GNAQ: variants seen among roughly 807,000 people sequenced by gnomAD.
GNAQ encodes guanine nucleotide-binding protein G(q) subunit alpha.
GNAQ carries 8 observed loss-of-function variants against 43.9 expected under a neutral mutation model. The observed-to-expected ratio is 0.18, with a 90% CI of 0.11 to 0.33. The LOEUF (loss-of-function observed/expected upper bound fraction) is 0.33. Among genes scored for constraint, GNAQ ranks in the 10% least tolerant of loss-of-function variants. The pLI is 1.00. For synonymous variants in GNAQ, 155 were observed against 170.7 expected (o/e 0.91, Z 0.71); for missense variants, 158 against 450.8 (o/e 0.35, Z 5.88).
chr9:78,012,326 C>T (rs1376366219), intron 1 of GNAQ, among the ~76,000 whole-genome samples: 1 of 151,824 alleles, frequency 6.6e-6, no homozygotes, highest in Non-Finnish European at 1.5e-5. Context: ...CAACCTCCAC[C>T]TCCCAGGTTC....
At chr9:77,896,585 G>C (rs886578368) in intron 2 of GNAQ, among the ~76,000 whole-genome samples, 8 of 152,048 alleles carry the variant, frequency 5.3e-5, no homozygotes, top group African/African-American at 1.9e-4. Flanking sequence ...TATCAAGCCT[G>C]GTCCATATTC....
At chr9:78,018,978 T>C (rs538861492) in intron 1 of GNAQ, among the ~76,000 whole-genome samples, 2 of 152,122 alleles carry the variant, frequency 1.3e-5, no homozygotes, top group African/African-American at 4.8e-5. Flanking sequence ...TGCAGAAGAA[T>C]CTGTTCTCAT....
At chr9:77,913,195 A>G (rs952833850) in intron 2 of GNAQ, among the ~76,000 whole-genome samples, 7 of 152,104 alleles carry the variant, frequency 4.6e-5, no homozygotes, top group African/African-American at 1.7e-4. Flanking sequence ...CATACTCCAA[A>G]GAAATGCAGA....
intron 2 of GNAQ, among the ~76,000 whole-genome samples, chr9:77,870,280 C>T (rs1252994276): frequency 6.7e-6 from 1 of 149,522 alleles, no homozygotes; most frequent in African/African-American, 2.5e-5. Flanking sequence ...TTACAGGAAG[C>T]AGTTTGAAAC....
At chr9:77,827,397 A>C (rs565329880) in intron 2 of GNAQ, among the ~76,000 whole-genome samples, 19 of 151,996 alleles carry the variant, frequency 1.3e-4, no homozygotes, top group South Asian at 1.2e-3. Flanking sequence ...AAAAAAAAAA[A>C]AAAACTGAGC....
chr9:77,934,178 G>A (rs865881244), intron 1 of GNAQ, among the ~76,000 whole-genome samples: 1 of 144,946 alleles, frequency 6.9e-6, no homozygotes. Context: ...AGGAGACAAC[G>A]ATCCGCACAT....
In GNAQ at chr9:77,716,847, T is replaced by C. The variant is rs148833189; in HGVS notation, c.*4476A>G. On this transcript the variant is annotated 3_prime_UTR_variant, in exon 7 of 7. Coordinates refer to ENST00000286548, the MANE Select transcript of GNAQ (RefSeq NM_002072.5). ...AGGAGGAAATTAATATTTGAGCACC[T>C]ACTATGTGCTAGGTGTGTATTCATA... 6.8e-4 allele frequency: 159 copies of C among 232,888 alleles called. No homozygotes were observed. The highest frequency in any genetic ancestry group is 3.4e-3 in the African/African-American group (156 of 45,432). 14.4% of individuals were successfully genotyped at this position (232,888 alleles called of 1,614,324 possible).
chr9:78,020,292 T>C (rs573835026), intron 1 of GNAQ, among the ~76,000 whole-genome samples: 35 of 152,074 alleles, frequency 2.3e-4, no homozygotes, highest in Middle Eastern at 3.4e-3. Context: ...AAAACAGTAA[T>C]AGATGCATTT....
At chr9:77,893,664 C>T (rs1332562246) in intron 2 of GNAQ, among the ~76,000 whole-genome samples, 1 of 152,206 alleles carries the variant, frequency 6.6e-6, no homozygotes, top group African/African-American at 2.4e-5. Context: ...CCTCTCTTGG[C>T]GTCTGGATGG....
chr9:77,963,500 A>G (rs969871134), intron 1 of GNAQ, among the ~76,000 whole-genome samples: 1 of 152,222 alleles, frequency 6.6e-6, no homozygotes, highest in African/African-American at 2.4e-5. Flanking sequence ...TTGAAGAACT[A>G]TAACAAGAAA....
At chr9:77,887,400 C>T (rs1828326169) in intron 2 of GNAQ, among the ~76,000 whole-genome samples, 1 of 152,212 alleles carries the variant, frequency 6.6e-6, no homozygotes, top group South Asian at 2.1e-4. Context: ...ACTCCTTTTA[C>T]CTTCATTTAT....
At chr9:77,731,350 T>G (rs1452569902) in intron 5 of GNAQ, among the ~76,000 whole-genome samples, 1 of 152,130 alleles carries the variant, frequency 6.6e-6, no homozygotes, top group Non-Finnish European at 1.5e-5. Flanking sequence ...CAGAGACAAC[T>G]TGCCCAGGGT....
chr9:77,935,617 C>G (rs1023647819), intron 1 of GNAQ, among the ~76,000 whole-genome samples: 1 of 152,156 alleles, frequency 6.6e-6, no homozygotes, highest in Non-Finnish European at 1.5e-5. Flanking sequence ...CTTGTGTGTT[C>G]CACATGTGCT....
intron 5 of GNAQ, 47 bp from the exon 6 acceptor site, chr9:77,728,714 ATTACT>A (rs1192897553): frequency 1.6e-5 from 20 of 1,286,102 alleles, no homozygotes; most frequent in Non-Finnish European, 2.1e-5. Context: ...GAATTACATG[ATTACT>A]TAATTTGTGA....
chr9:77,858,118 T>G (rs965805845), intron 2 of GNAQ, among the ~76,000 whole-genome samples: 2 of 152,138 alleles, frequency 1.3e-5, no homozygotes, highest in African/African-American at 4.8e-5. Context: ...CAGCTCTCTC[T>G]GCTCACCCCA....
chr9:78,017,968 G>T (rs1823859479), intron 1 of GNAQ, among the ~76,000 whole-genome samples: 4 of 152,066 alleles, frequency 2.6e-5, no homozygotes, highest in Admixed American at 2.6e-4. Flanking sequence ...TCATGATGCT[G>T]GAAACTGTAT....
chr9:77,889,332 GC>G (rs1443025042), intron 2 of GNAQ, among the ~76,000 whole-genome samples: 4 of 144,936 alleles, frequency 2.8e-5, no homozygotes, highest in Non-Finnish European at 6.0e-5. Flanking sequence ...GACTGCGTGA[GC>G]CTGGGAGGCG....
In GNAQ at chr9:77,895,539, T is replaced by A. The variant is rs369030255; in HGVS notation, c.321+26622A>T. Among the ~76,000 whole-genome samples the A allele has an allele frequency of 2.8e-4, 42 of 152,268 alleles. 1 individual carries two copies. In the South Asian group the frequency reaches 7.9e-3, roughly 29 times the overall value. On this transcript the variant is annotated intron_variant, in intron 2 of 6. Coordinates refer to ENST00000286548, the MANE Select transcript of GNAQ (RefSeq NM_002072.5). ...CACTCTAGAGAGAACCTTCTCTTGG[T>A]CTGCAGGGTTTGAGGCCCTCAGAAG...
Position 77,720,209 on chromosome 9 carries a change from G to A in GNAQ, c.*1114C>T, listed in dbSNP as rs1825289343. ...AACTGTTTGGCAAATGGCATTTCTG[G>A]TTCATTCTCAGCCAGTCATTTTAGG... On this transcript the variant is annotated 3_prime_UTR_variant, in exon 7 of 7. Coordinates refer to ENST00000286548, the MANE Select transcript of GNAQ (RefSeq NM_002072.5). 4.3e-6 allele frequency: 1 copy of A among 233,216 alleles called. No individual in the cohort carries two copies. The highest frequency in any genetic ancestry group is 5.6e-5 in the Admixed American group (1 of 17,766). The allele number at this position is 233,216 out of a possible 1,614,324, so 14.4% of individuals were successfully genotyped here. A position where few individuals can be genotyped will look rare whatever the true frequency, so the allele number is the denominator to read the frequency against.
Sources: gnomAD v4.1 joint callset for allele counts (sites outside exome capture counted in the v4.1 genomes callset) on GRCh38, gnomAD v4.1.1 for gene constraint, MANE v1.5 for transcripts, NCBI Gene and HGNC (gene_info 2026-07-23, HGNC 2026-07-21) for gene names.